The following CNTN6 variants were observed in gnomAD, a reference collection of about 807,000 sequenced individuals.
CNTN6 encodes the protein contactin 6, also known as contactin-6.
A neutral mutation model predicts 122.8 loss-of-function variants in CNTN6; 137 were observed. That is an observed-to-expected ratio of 1.12 (90% CI 0.97 to 1.29). The LOEUF is 1.29. Ranked by LOEUF, CNTN6 falls within the 50% of genes most tolerant of loss-of-function variation. The pLI is 0.00. For missense variants in CNTN6, 1,634 were observed against 1,223.4 expected, an observed-to-expected ratio of 1.34 and a Z score of -5.01; for synonymous variants, 570 against 426.0, an observed-to-expected ratio of 1.34 and a Z score of -4.16.
chr3:1,123,514 T>G (rs1459892162), intron 1 of CNTN6, among the ~76,000 whole-genome samples: 3 of 152,058 alleles, frequency 2.0e-5, no homozygotes, highest in East Asian at 3.9e-4. Flanking sequence ...TAATTTAGTT[T>G]ATAAAACTAA....
intron 7 of CNTN6, among the ~76,000 whole-genome samples, chr3:1,300,423 A>G (rs1697011987): frequency 1.3e-5 from 2 of 150,478 alleles, no homozygotes; most frequent in South Asian, 4.2e-4. Flanking sequence ...ACAGTATAAG[A>G]GAGAAAGGAG....
intron 2 of CNTN6, among the ~76,000 whole-genome samples, chr3:1,201,500 T>C (rs1031158596): frequency 2.0e-5 from 3 of 152,190 alleles, no homozygotes; most frequent in Non-Finnish European, 4.4e-5. Context: ...TCATTTTTCA[T>C]ATCCCAGCTT....
intron 14 of CNTN6, 49 bp downstream of exon 14, chr3:1,373,004 A>T: frequency 1.9e-6 from 2 of 1,058,486 alleles, no homozygotes; most frequent in African/African-American, 1.6e-5. Flanking sequence ...TCACAGTTAC[A>T]GTGTTCATAT....
intron 17 of CNTN6, among the ~76,000 whole-genome samples, 196 bp from the exon 18 acceptor site, chr3:1,382,746 A>C (rs1218528512): frequency 2.6e-5 from 4 of 152,190 alleles, no homozygotes; most frequent in Non-Finnish European, 5.9e-5. Context: ...AACTTAAACT[A>C]TTTATCTGAG....
intron 5 of CNTN6, among the ~76,000 whole-genome samples, chr3:1,280,918 A>G (rs528377917): frequency 3.3e-5 from 5 of 152,278 alleles, no homozygotes; most frequent in African/African-American, 1.2e-4. Context: ...ATTTCTTGCC[A>G]TGAGCATTTG....
At chr3:1,289,959 C>G (rs895897685) in intron 5 of CNTN6, among the ~76,000 whole-genome samples, 1 of 152,152 alleles carries the variant, frequency 6.6e-6, no homozygotes, top group Non-Finnish European at 1.5e-5. Flanking sequence ...CAGGCGTGAG[C>G]CAATGCGCCC....
intron 2 of CNTN6, among the ~76,000 whole-genome samples, chr3:1,176,131 T>A (rs1221278770): frequency 6.6e-6 from 1 of 152,134 alleles, no homozygotes; most frequent in Non-Finnish European, 1.5e-5. Context: ...TGTGATGAAT[T>A]TGGGAATCAC....
At position 1,277,346 on chromosome 3, in the gene CNTN6, C is replaced by CTTTTTTTTTTTTTTTTTTTT. The variant is rs10599744; in HGVS notation, c.359-1055_359-1036dup. On this transcript the variant is annotated intron_variant, in intron 4 of 22. Transcript: ENST00000446702. ...CTACTTCTGTCTTTTAGTAGGTTTT[C>CTTTTTTTTTTTTTTTTTTTT]TTTTTTTTTTTTTTTTTTTTTTTTT... 2.9e-4 allele frequency among the ~76,000 whole-genome samples: 23 copies of CTTTTTTTTTTTTTTTTTTTT among 80,188 alleles called. 1 individual carries two copies. Among genetic ancestry groups the CTTTTTTTTTTTTTTTTTTTT allele is most frequent in the East Asian group, 3.7e-4 (1 of 2,678 alleles). The allele number at this position is 80,188 out of a possible 152,430, so 52.6% of individuals were successfully genotyped here.
chr3:1,245,222 ATATATATATATATACACACAC>A (rs1559595270), intron 4 of CNTN6, among the ~76,000 whole-genome samples: 7 of 19,848 alleles, frequency 3.5e-4, no homozygotes, highest in South Asian at 2.0e-3. Flanking sequence ...ATATATATAT[ATATATATATATATACACACAC>A]ACATATATAT....
chr3:1,183,926 G>C (rs2093594837), intron 2 of CNTN6, among the ~76,000 whole-genome samples: 1 of 152,142 alleles, frequency 6.6e-6, no homozygotes, highest in Non-Finnish European at 1.5e-5. Flanking sequence ...TTTGGTTGTT[G>C]GTAGAACTCA....
chr3:1,401,795 T>C (rs532712147), intron 21 of CNTN6, among the ~76,000 whole-genome samples: 1 of 152,168 alleles, frequency 6.6e-6, no homozygotes, highest in African/African-American at 2.4e-5. Flanking sequence ...TCAAGTGGCA[T>C]CCCTTGCTAT....
At chr3:1,306,609 T>C (rs1416707937) in intron 7 of CNTN6, among the ~76,000 whole-genome samples, 2 of 151,810 alleles carry the variant, frequency 1.3e-5, no homozygotes, top group Non-Finnish European at 2.9e-5. Context: ...ATGACTTTGG[T>C]CAGTTTTCTT....
intron 1 of CNTN6, among the ~76,000 whole-genome samples, chr3:1,106,877 T>A (rs956984315): frequency 1.3e-5 from 2 of 152,106 alleles, no homozygotes; most frequent in African/African-American, 2.4e-5. Context: ...ATCATTTTGG[T>A]CAATAATAAT....
At chr3:1,346,180 T>C (rs1397632540) in intron 11 of CNTN6, among the ~76,000 whole-genome samples, 1 of 152,136 alleles carries the variant, frequency 6.6e-6, no homozygotes, top group Non-Finnish European at 1.5e-5. Flanking sequence ...AGATTTGTTA[T>C]AGTGACAAAA....
intron 7 of CNTN6, among the ~76,000 whole-genome samples, chr3:1,314,602 C>G (rs745472790): frequency 6.6e-6 from 1 of 151,960 alleles, no homozygotes; most frequent in African/African-American, 2.4e-5. Flanking sequence ...TAATTTAACT[C>G]GAAATCAGGA....
intron 4 of CNTN6, among the ~76,000 whole-genome samples, chr3:1,253,479 G>A (rs1037022470): frequency 1.1e-4 from 16 of 152,218 alleles, no homozygotes; most frequent in Admixed American, 7.2e-4. Flanking sequence ...AGGTAATTTT[G>A]TCTGCTAATT....
At position 1,224,358 on chromosome 3, in the gene CNTN6, T is replaced by C. The variant is rs571206623; in HGVS notation, c.183-3460T>C. The stretch of plus-strand genomic sequence containing the variant: ...TAAGTTCTGGGATTCATTTGGACAG[T>C]AGAGGGATTATACTCAATGATAATG... On this transcript the variant is annotated intron_variant, in intron 3 of 22. Transcript: ENST00000446702. Among the ~76,000 whole-genome samples the C allele has an allele frequency of 2.0e-4, 30 of 152,078 alleles. No individual in the cohort carries two copies. The South Asian group carries it at 4.8e-3, about 24-fold the overall frequency.
intron 4 of CNTN6, among the ~76,000 whole-genome samples, chr3:1,270,798 G>A (rs2095011423): frequency 6.6e-6 from 1 of 152,166 alleles, no homozygotes; most frequent in Non-Finnish European, 1.5e-5. Flanking sequence ...GAGAGAAAAG[G>A]TCTGTCTGGG....
chr3:1,154,551 C>T (rs933376114), intron 2 of CNTN6, among the ~76,000 whole-genome samples: 48 of 151,464 alleles, frequency 3.2e-4, no homozygotes, highest in Admixed American at 1.6e-3. Flanking sequence ...TCAAGCAATT[C>T]TCCTGCCTCA....
Sources: gnomAD v4.1 joint callset for allele counts (sites outside exome capture counted in the v4.1 genomes callset) on GRCh38, gnomAD v4.1.1 for gene constraint, MANE v1.5 for transcripts, NCBI Gene and HGNC (gene_info 2026-07-23, HGNC 2026-07-21) for gene names.